The following PCDH19 variants were observed in gnomAD, a reference collection of about 807,000 sequenced individuals.
PCDH19 encodes the protein protocadherin-19.
In PCDH19, 6 loss-of-function variants were observed where a neutral mutation model predicts 46.2. That is an observed-to-expected ratio of 0.13 (90% CI 0.07 to 0.26). PCDH19 has a LOEUF of 0.26. Among genes scored for constraint, PCDH19 ranks in the 10% least tolerant of loss-of-function variants. The pLI, the probability that PCDH19 is intolerant of heterozygous loss-of-function variation, is 1.00. For synonymous variants in PCDH19, 481 were observed against 415.7 expected, an observed-to-expected ratio of 1.16 and a Z score of -1.91; for missense variants, 740 against 972.3, an observed-to-expected ratio of 0.76 and a Z score of 3.18.
At chrX:100,395,032 C>T (rs1197735720) in intron 3 of PCDH19, among the ~76,000 whole-genome samples, 1 of 110,006 alleles carries the variant, frequency 9.1e-6, no homozygotes, top group African/African-American at 3.3e-5. Flanking sequence ...GGACCACAGG[C>T]GCCCGCCACC....
intron 3 of PCDH19, among the ~76,000 whole-genome samples, chrX:100,353,692 TACTGTAAAGAGAAGAATATCATAG>T (rs1412226123): frequency 1.8e-5 from 2 of 111,983 alleles, no homozygotes; most frequent in African/African-American, 6.5e-5. Flanking sequence ...CATGATCTGC[TACTGTAAAGAGAAGAATATCATAG>T]AAGCTTGTAA....
At position 100,410,117 on chromosome X, in the gene PCDH19, A is replaced by G. The variant is rs936897530; in HGVS notation, c.-1520T>C. On this transcript the variant is annotated 5_prime_UTR_variant, in exon 1 of 6. Transcript: ENST00000373034. The stretch of plus-strand genomic sequence containing the variant: ...TGCGGAGCGCAACGCGCCAAGGGCC[A>G]GCGCCGGGCTAGGGACGCGGGTGCC... 11 of 295,152 alleles carry G rather than the reference A, an allele frequency of 3.7e-5. No homozygotes were observed. The highest frequency in any genetic ancestry group is 6.5e-5 in the Non-Finnish European group (11 of 169,817). The allele number at this position is 295,152 out of a possible 1,213,427, so 24.3% of individuals were successfully genotyped here. A position where few individuals can be genotyped will look rare whatever the true frequency, so the allele number is the denominator to read the frequency against.
intron 5 of PCDH19, among the ~76,000 whole-genome samples, chrX:100,305,865 T>C (rs1924931187): frequency 9.0e-6 from 1 of 111,389 alleles, no homozygotes; most frequent in Admixed American, 9.5e-5. Flanking sequence ...TAGGAAAATA[T>C]CACAATCCTA....
intron 3 of PCDH19, among the ~76,000 whole-genome samples, chrX:100,356,990 C>A (rs887125111): frequency 5.4e-5 from 6 of 111,431 alleles, no homozygotes; most frequent in African/African-American, 2.0e-4. Context: ...TCAAGCTCCA[C>A]AATTCTAGGC....
chrX:100,348,695 T>C lies in PCDH19; in HGVS notation c.2675+1951A>G, dbSNP rs184479306. ...TGTATGTGTCTATAAACAAAAAACA[T>C]ATAAAGTAATTAACCAAAATCAGAG... On this transcript the variant is annotated intron_variant, in intron 4 of 5. Transcript: ENST00000373034. Among the ~76,000 whole-genome samples, 44 of 111,788 alleles carry C rather than the reference T, an allele frequency of 3.9e-4. 2 individuals are homozygous for C. In the East Asian group the frequency reaches 0.012, roughly 32 times the overall value.
At chrX:100,329,544 T>A (rs1406475141) in intron 5 of PCDH19, among the ~76,000 whole-genome samples, 2 of 112,219 alleles carry the variant, frequency 1.8e-5, no homozygotes, top group Non-Finnish European at 3.8e-5. Context: ...TGCATCAGTT[T>A]TTCTTCTAAA....
intron 3 of PCDH19, among the ~76,000 whole-genome samples, chrX:100,371,025 GGGT>G (rs1569304521): frequency 9.4e-6 from 1 of 106,657 alleles, no homozygotes; most frequent in Non-Finnish European, 1.9e-5. Flanking sequence ...GTGTGTGTGT[GGGT>G]GTGTGTGTAT....
chrX:100,326,491 G>A (rs1262276977), intron 5 of PCDH19, among the ~76,000 whole-genome samples: 3 of 111,386 alleles, frequency 2.7e-5, no homozygotes, highest in East Asian at 2.8e-4. Flanking sequence ...TCAAAATGAC[G>A]TCTACCACCC....
intron 5 of PCDH19, among the ~76,000 whole-genome samples, chrX:100,310,571 A>T (rs1206483842): frequency 9.0e-6 from 1 of 111,092 alleles, no homozygotes; most frequent in Non-Finnish European, 1.9e-5. Flanking sequence ...GAGGTGACAC[A>T]GAAGGCCAAT....
In PCDH19 at chrX:100,296,415, A is replaced by C; in HGVS notation, c.3309T>G (p.Asn1103Lys). 1 of 1,210,015 alleles carries C rather than the reference A, an allele frequency of 8.3e-7. No individual in the cohort carries two copies. Among genetic ancestry groups the C allele is most frequent in the Non-Finnish European group, 1.1e-6 (1 of 894,568 alleles). ...CAGCTTCAGAGGGACGAGTAGGGCCATTGTTGACATTGTTGACATACTGCT... is the reference window on the plus strand; with the variant it reads ...CAGCTTCAGAGGGACGAGTAGGGCCCTTGTTGACATTGTTGACATACTGCT... ...DLEQYVNNVN[N>K]GPTRPSEAEP... Residue 1103 changes from asparagine (N) to lysine (K), a missense_variant, in exon 6 of 6, where the codon AAT becomes AAG. Transcript: ENST00000373034.
intron 5 of PCDH19, among the ~76,000 whole-genome samples, chrX:100,307,915 T>C (rs766345848): frequency 9.0e-6 from 1 of 110,993 alleles, no homozygotes; most frequent in South Asian, 3.8e-4. Flanking sequence ...AATGGAACCA[T>C]ATCCCATGCT....
chrX:100,377,269 GTGT>G (rs1313565629), intron 3 of PCDH19, among the ~76,000 whole-genome samples: 1 of 111,491 alleles, frequency 9.0e-6, no homozygotes. Context: ...TCACACAATT[GTGT>G]TTTTAATGTT....
chrX:100,377,216 C>T (rs982795099), intron 3 of PCDH19, among the ~76,000 whole-genome samples: 13 of 111,942 alleles, frequency 1.2e-4, no homozygotes, highest in Non-Finnish European at 2.4e-4. Flanking sequence ...TTTCTACCAA[C>T]TCTACCAATA....
At chrX:100,318,525 C>G (rs754758998) in intron 5 of PCDH19, among the ~76,000 whole-genome samples, 1 of 111,994 alleles carries the variant, frequency 8.9e-6, no homozygotes, top group Non-Finnish European at 1.9e-5. Flanking sequence ...GAAGACATCA[C>G]GCCATCAGGC....
At chrX:100,345,216 TA>T in intron 4 of PCDH19, among the ~76,000 whole-genome samples, 2 of 111,821 alleles carry the variant, frequency 1.8e-5, no homozygotes, top group Middle Eastern at 9.3e-3. Context: ...TTATTCTGTG[TA>T]GTAATGTTTT....
At chrX:100,335,604 ATTC>A (rs1194578571) in intron 5 of PCDH19, among the ~76,000 whole-genome samples, 1 of 111,886 alleles carries the variant, frequency 8.9e-6, no homozygotes, top group Non-Finnish European at 1.9e-5. Flanking sequence ...CCCAAAATCT[ATTC>A]TTATAATTTT....
In PCDH19 at chrX:100,338,274, G is replaced by A. The variant is rs1342669324; in HGVS notation, c.2848+3629C>T. Among the ~76,000 whole-genome samples the A allele has an allele frequency of 1.4e-4, 14 of 103,210 alleles. No homozygotes were observed. In the South Asian group the frequency reaches 5.1e-3, roughly 37 times the overall value. The allele number at this position is 103,210 out of a possible 115,157, so 89.6% of individuals were successfully genotyped here. A position where few individuals can be genotyped will look rare whatever the true frequency, so the allele number is the denominator to read the frequency against. On this transcript the variant is annotated intron_variant, in intron 5 of 5. Coordinates refer to ENST00000373034, the MANE Select transcript of PCDH19 (RefSeq NM_001184880.2). The stretch of plus-strand genomic sequence containing the variant: ...GGAGAATGGCGTGAACCCGGGAGGC[G>A]GAGCTTGCAGTGAGCCGAGATCCCG...
rs1928448198 is a variant in PCDH19 at position 100,408,016 on chromosome X, C to T, written c.582G>A (p.Lys194=). The change falls in exon 1 of 6, where the codon AAG becomes AAA. Residue 194 remains lysine, a synonymous_variant. Coordinates refer to ENST00000373034, the MANE Select transcript of PCDH19 (RefSeq NM_001184880.2). The stretch of plus-strand genomic sequence containing the variant: ...GCGACTGCGTCTCGCGGTCCAGGCT[C>T]TTTTCCACCACGAGTTCGGCAAAGC... ...GSRFAELVVE[K]SLDRETQSHY... is the part of the protein sequence containing the mutation. The T allele has an allele frequency of 8.3e-7, 1 of 1,208,296 alleles. No individual in the cohort carries two copies. The highest frequency in any genetic ancestry group is 1.7e-5 in the African/African-American group (1 of 58,072).
intron 3 of PCDH19, among the ~76,000 whole-genome samples, chrX:100,397,908 C>T (rs775245831): frequency 9.0e-6 from 1 of 111,453 alleles, no homozygotes; most frequent in Admixed American, 9.5e-5. Context: ...AAGATCTTAG[C>T]AAACTGACAA....
Sources: gnomAD v4.1 joint callset for allele counts (sites outside exome capture counted in the v4.1 genomes callset) on GRCh38, gnomAD v4.1.1 for gene constraint, MANE v1.5 for transcripts, NCBI Gene and HGNC (gene_info 2026-07-23, HGNC 2026-07-21) for gene names.